The following ERC2 variants were observed in gnomAD, a reference collection of about 807,000 sequenced individuals.
The protein encoded by ERC2 is ERC protein 2.
In ERC2, 42 loss-of-function variants were observed where a neutral mutation model predicts 114.8. The observed-to-expected ratio is 0.37, with a 90% CI of 0.29 to 0.47. The LOEUF (loss-of-function observed/expected upper bound fraction) is 0.47. Among genes scored for constraint, ERC2 ranks in the 20% least tolerant of loss-of-function variants. The pLI is 0.99. For synonymous variants in ERC2, 454 were observed against 425.5 expected (o/e 1.07, Z -0.82); for missense variants, 939 against 1,150.7 (o/e 0.82, Z 2.66).
At chr3:55,803,358 T>TATG (rs1344874373) in intron 14 of ERC2, among the ~76,000 whole-genome samples, 2 of 152,184 alleles carry the variant, frequency 1.3e-5, no homozygotes, top group African/African-American at 2.4e-5. Context: ...GATGAAAATT[T>TATG]ATGTACCATA....
At chr3:56,326,384 C>T (rs1162872134) in intron 2 of ERC2, among the ~76,000 whole-genome samples, 1 of 152,170 alleles carries the variant, frequency 6.6e-6, no homozygotes, top group Non-Finnish European at 1.5e-5. Context: ...CTCCAGCAAA[C>T]CCCAGCTTTT....
intron 17 of ERC2, among the ~76,000 whole-genome samples, chr3:55,677,196 G>A (rs753785486): frequency 3.9e-5 from 6 of 152,052 alleles, no homozygotes; most frequent in African/African-American, 7.2e-5. Context: ...TCTTTAAGCC[G>A]AAAGAAACCC....
chr3:56,411,204 GA>G (rs1263424390), intron 2 of ERC2, among the ~76,000 whole-genome samples: 1 of 150,670 alleles, frequency 6.6e-6, no homozygotes, highest in East Asian at 2.0e-4. Context: ...AGAGGAAAGA[GA>G]AAAAAAACTG....
chr3:56,334,671 G>A (rs189440522), intron 2 of ERC2, among the ~76,000 whole-genome samples: 2 of 152,332 alleles, frequency 1.3e-5, no homozygotes. Flanking sequence ...TTACTTATCA[G>A]AAGAGCAGAA....
intron 1 of ERC2, 73 bp from the exon 2 acceptor site, chr3:56,435,220 A>G (rs887205264): frequency 3.8e-6 from 2 of 524,300 alleles, no homozygotes; most frequent in South Asian, 2.4e-5. Context: ...TTTTAAATAT[A>G]TAAAGATAAT....
chr3:56,418,542 T>C lies in ERC2; in HGVS notation c.657+15809A>G, dbSNP rs1035604286. Among the ~76,000 whole-genome samples, 6 of 152,186 alleles carry C rather than the reference T, an allele frequency of 3.9e-5. No individual in the cohort carries two copies. In the East Asian group the frequency reaches 7.7e-4, roughly 20 times the overall value. ...AAGTGACCTCTCCTCTGAGGCTTGCTTTGCTCACATAAAAATAAATACATA... is the reference window on the plus strand; with the variant it reads ...AAGTGACCTCTCCTCTGAGGCTTGCCTTGCTCACATAAAAATAAATACATA... On this transcript the variant is annotated intron_variant, in intron 2 of 17. Coordinates refer to ENST00000288221, the MANE Select transcript of ERC2 (RefSeq NM_015576.3).
intron 13 of ERC2, among the ~76,000 whole-genome samples, chr3:55,946,406 G>A (rs907541280): frequency 6.6e-6 from 1 of 152,068 alleles, no homozygotes; most frequent in Non-Finnish European, 1.5e-5. Context: ...ATTTACTGGT[G>A]TGTGTTCTAT....
chr3:56,258,801 C>A (rs13068081), intron 3 of ERC2, among the ~76,000 whole-genome samples: 106,473 of 152,042 alleles, frequency 0.7, 38,131 homozygotes, highest in Non-Finnish European at 0.76. Flanking sequence ...GGAGAAGCAG[C>A]ATGTATCATA....
At chr3:55,872,977 T>C (rs1380397059) in intron 14 of ERC2, among the ~76,000 whole-genome samples, 1 of 152,186 alleles carries the variant, frequency 6.6e-6, no homozygotes, top group Non-Finnish European at 1.5e-5. Context: ...GAGTCATTTC[T>C]GATTGTCACA....
chr3:55,982,533 T>A (rs2070237030), intron 12 of ERC2, among the ~76,000 whole-genome samples: 1 of 152,190 alleles, frequency 6.6e-6, no homozygotes, highest in Admixed American at 6.5e-5. Context: ...GTATTACTGT[T>A]GCTGCTTCTG....
At chr3:55,767,226 C>A (rs886223482) in intron 14 of ERC2, among the ~76,000 whole-genome samples, 2 of 152,204 alleles carry the variant, frequency 1.3e-5, no homozygotes, top group African/African-American at 2.4e-5. Context: ...AATTAGTTAG[C>A]ATGCAGTGCT....
intron 1 of ERC2, among the ~76,000 whole-genome samples, chr3:56,463,549 G>T (rs867026453): frequency 6.6e-6 from 1 of 152,186 alleles, no homozygotes. Context: ...AATGAATGTT[G>T]GGTAGGCAAC....
intron 12 of ERC2, among the ~76,000 whole-genome samples, chr3:55,956,562 T>C (rs1347562929): frequency 6.6e-6 from 1 of 152,138 alleles, no homozygotes; most frequent in Non-Finnish European, 1.5e-5. Context: ...GTGCTAAATG[T>C]CATGAGCATG....
At chr3:55,660,143 T>C (rs1448965466) in intron 17 of ERC2, among the ~76,000 whole-genome samples, 1 of 147,710 alleles carries the variant, frequency 6.8e-6, no homozygotes, top group African/African-American at 2.4e-5. Context: ...AATGTGAATG[T>C]TCATACTCAG....
chr3:55,753,512 G>T (rs542684315), intron 14 of ERC2, among the ~76,000 whole-genome samples: 6 of 152,280 alleles, frequency 3.9e-5, no homozygotes, highest in East Asian at 1.9e-4. Flanking sequence ...GTGGCCCCCT[G>T]GGACCCAAAT....
intron 14 of ERC2, among the ~76,000 whole-genome samples, chr3:55,822,900 G>A (rs2060187361): frequency 1.3e-5 from 2 of 152,048 alleles, no homozygotes; most frequent in African/African-American, 2.4e-5. Context: ...GGCGTGAGCC[G>A]CCGCACCGAG....
chr3:55,816,782 C>T (rs760424701), intron 14 of ERC2, among the ~76,000 whole-genome samples: 24 of 150,884 alleles, frequency 1.6e-4, no homozygotes, highest in African/African-American at 4.6e-4. Flanking sequence ...CAAAAAAAAA[C>T]GAAAAACACC....
intron 3 of ERC2, among the ~76,000 whole-genome samples, chr3:56,228,895 CT>C (rs367754516): frequency 2.0e-5 from 3 of 152,102 alleles, no homozygotes; most frequent in African/African-American, 7.2e-5. Flanking sequence ...GCCTTTATGG[CT>C]TTTTGGGGGA....
At chr3:55,807,981 G>A (rs1303744984) in intron 14 of ERC2, among the ~76,000 whole-genome samples, 2 of 152,178 alleles carry the variant, frequency 1.3e-5, no homozygotes, top group South Asian at 2.1e-4. Flanking sequence ...AGCATCAAGG[G>A]TTGAGGGTTA....
Sources: gnomAD v4.1 joint callset for allele counts (sites outside exome capture counted in the v4.1 genomes callset) on GRCh38, gnomAD v4.1.1 for gene constraint, MANE v1.5 for transcripts, NCBI Gene and HGNC (gene_info 2026-07-23, HGNC 2026-07-21) for gene names.